FRRS1: variants seen among roughly 807,000 people sequenced by gnomAD.
FRRS1 encodes ferric reductase 1.
A neutral mutation model predicts 70.7 loss-of-function variants in FRRS1; 51 were observed. The observed-to-expected ratio is 0.72, with a 90% confidence interval of 0.58 to 0.91. FRRS1 has a LOEUF of 0.91. FRRS1 is among the 40% of genes least tolerant of loss of function. The pLI is 0.00. For synonymous variants in FRRS1, 225 were observed against 238.7 expected, an observed-to-expected ratio of 0.94 and a Z score of 0.53; for missense variants, 672 against 726.0, an observed-to-expected ratio of 0.93 and a Z score of 0.86.
chr1:99,710,915 T>A lies in FRRS1; in HGVS notation c.1515A>T (p.Gly505=), dbSNP rs765073759. The A allele has an allele frequency of 6.2e-7, 1 of 1,613,838 alleles. No individual in the cohort carries two copies. The highest frequency in any genetic ancestry group is 8.5e-7 in the Non-Finnish European group (1 of 1,179,790). The part of the protein sequence containing the change: ...AAMFLGMDLP[G]LNLPDSWKTY... ...TTTTCCATGAATCAGGAAGATTCAG[T>A]CCTGGTAAATCCATTCCCAGGAACA... is the stretch of plus-strand genomic sequence containing the variant. The change falls in exon 15 of 17, where the codon GGA becomes GGT. Residue 505 remains glycine (G), a synonymous_variant. Transcript: ENST00000646001.
At chr1:99,746,247 T>C (rs1656256889) in intron 4 of FRRS1, among the ~76,000 whole-genome samples, 2 of 152,202 alleles carry the variant, frequency 1.3e-5, no homozygotes, top group Admixed American at 6.5e-5. Flanking sequence ...CTTAAGGACA[T>C]GTAAGGCTCT....
At position 99,716,927 on chromosome 1, in the gene FRRS1, G is replaced by A. The variant is rs78707556; in HGVS notation, c.1236+483C>T. ...TTCAGTTTCTCTTTCCACCCATACA[G>A]GAGATAGATGATCCCAATTGATGAG... is the stretch of plus-strand genomic sequence containing the variant. On this transcript the variant is annotated intron_variant, in intron 11 of 16. Coordinates refer to ENST00000646001, the MANE Select transcript of FRRS1 (RefSeq NM_001361041.2). Among the ~76,000 whole-genome samples, 1,161 of 152,304 alleles carry A rather than the reference G, an allele frequency of 7.6e-3. 14 individuals carry two copies. The highest frequency in any genetic ancestry group is 0.026 in the African/African-American group (1,090 of 41,564).
At position 99,726,631 on chromosome 1, in the gene FRRS1, T is replaced by G. The variant is rs80118941; in HGVS notation, c.1006+1862A>C. ...CAATCATAACAACAACACAATGATCTGCACTTTAGTAGTAGCTGTTTAAAA... is the reference window on the plus strand; with the variant it reads ...CAATCATAACAACAACACAATGATCGGCACTTTAGTAGTAGCTGTTTAAAA... On this transcript the variant is annotated intron_variant, in intron 9 of 16. Coordinates refer to ENST00000646001, the MANE Select transcript of FRRS1 (RefSeq NM_001361041.2). Among the ~76,000 whole-genome samples the G allele has an allele frequency of 1.3e-4, 20 of 152,380 alleles. No individual in the cohort carries two copies. The East Asian group carries it at 3.7e-3, about 28-fold the overall frequency.
chr1:99,712,631 C>T, intron 12 of FRRS1, 116 bp from the exon 13 acceptor site: 2 of 562,806 alleles, frequency 3.6e-6, no homozygotes, highest in Non-Finnish European at 6.3e-6. Context: ...TTTAAAGATT[C>T]AATAATGATG....
At chr1:99,753,031 G>A (rs1460721328) in intron 1 of FRRS1, among the ~76,000 whole-genome samples, 1 of 146,506 alleles carries the variant, frequency 6.8e-6, no homozygotes, top group Non-Finnish European at 1.5e-5. Context: ...TGGGCAACAT[G>A]GTGAGCTCTC....
chr1:99,740,656 C>T lies in FRRS1; in HGVS notation c.576+137G>A. ...CTATAAAAATGTTACTAAAGCTGGG[C>T]ACAGTGGCTCACACCTGTAATTCCA... On this transcript the variant is annotated intron_variant, in intron 6 of 16. Coordinates refer to ENST00000646001, the MANE Select transcript of FRRS1 (RefSeq NM_001361041.2). 6.1e-6 allele frequency: 4 copies of T among 652,544 alleles called. No individual in the cohort carries two copies. The Admixed American group carries it at 7.3e-5, about 12-fold the overall frequency. 40.4% of individuals were successfully genotyped at this position (652,544 alleles called of 1,614,324 possible).
intron 1 of FRRS1, among the ~76,000 whole-genome samples, chr1:99,765,123 A>G (rs563703126): frequency 1.3e-5 from 2 of 152,316 alleles, no homozygotes; most frequent in South Asian, 4.1e-4. Flanking sequence ...GGTGTGAAAC[A>G]GAGAGTACAC....
At chr1:99,724,042 T>C (rs75471524) in intron 9 of FRRS1, among the ~76,000 whole-genome samples, 2 of 152,148 alleles carry the variant, frequency 1.3e-5, no homozygotes, top group Non-Finnish European at 2.9e-5. Context: ...GAGTGGTAGT[T>C]ATGAAAAAGA....
At chr1:99,712,361 T>C in intron 13 of FRRS1, 57 bp downstream of exon 13, 23 of 1,249,080 alleles carry the variant, frequency 1.8e-5, no homozygotes, top group Non-Finnish European at 2.4e-5. Flanking sequence ...ACAGATTAGT[T>C]TGCCAACTAA....
chr1:99,712,347 G>T, intron 13 of FRRS1, 71 bp downstream of exon 13: 1 of 1,185,762 alleles, frequency 8.4e-7, no homozygotes, highest in South Asian at 1.4e-5. Context: ...TTTTCCATTT[G>T]AAAACAGATT....
chr1:99,747,685 C>A (rs1450056712), intron 3 of FRRS1: 1 of 383,522 alleles, frequency 2.6e-6, no homozygotes, highest in Non-Finnish European at 4.7e-6. Flanking sequence ...GGTCCAGGGG[C>A]AGTCCATAAG....
chr1:99,735,907 T>C (rs767035185), intron 7 of FRRS1, among the ~76,000 whole-genome samples: 1 of 152,204 alleles, frequency 6.6e-6, no homozygotes, highest in Non-Finnish European at 1.5e-5. Context: ...TACTATAGCA[T>C]GAATCTTGGC....
intron 15 of FRRS1, among the ~76,000 whole-genome samples, chr1:99,709,761 A>G (rs1177920424): frequency 6.6e-6 from 1 of 152,106 alleles, no homozygotes; most frequent in African/African-American, 2.4e-5. Context: ...TGAGCCCAGG[A>G]GTTTGAGATC....
intron 14 of FRRS1, 32 bp downstream of exon 14, chr1:99,712,073 A>T: frequency 6.9e-7 from 1 of 1,453,784 alleles, no homozygotes. Flanking sequence ...GCTAGCAATT[A>T]TATATGAATA....
chr1:99,722,957 A>T (rs1654907024), intron 9 of FRRS1, among the ~76,000 whole-genome samples: 1 of 152,236 alleles, frequency 6.6e-6, no homozygotes, highest in African/African-American at 2.4e-5. Context: ...GAGGCTTAAA[A>T]TTTAAATAAA....
At chr1:99,735,161 G>T (rs1364026858) in intron 7 of FRRS1, among the ~76,000 whole-genome samples, 2 of 152,190 alleles carry the variant, frequency 1.3e-5, no homozygotes, top group East Asian at 3.9e-4. Context: ...ATAACAAAAC[G>T]ATATTGAAGG....
intron 9 of FRRS1, among the ~76,000 whole-genome samples, chr1:99,727,698 G>T (rs375523787): frequency 2.0e-5 from 3 of 152,168 alleles, no homozygotes; most frequent in South Asian, 2.1e-4. Flanking sequence ...TTTCAAAGTG[G>T]GCTATATTCT....
intron 7 of FRRS1, 73 bp from the exon 8 acceptor site, chr1:99,729,821 T>A (rs1655257292): frequency 1.0e-6 from 1 of 967,568 alleles, no homozygotes; most frequent in Non-Finnish European, 1.6e-6. Flanking sequence ...TTTAAAAAAG[T>A]ACATCAGGAA....
chr1:99,730,933 G>A (rs936734490), intron 7 of FRRS1, among the ~76,000 whole-genome samples: 6 of 151,564 alleles, frequency 4.0e-5, no homozygotes, highest in Non-Finnish European at 5.9e-5. Flanking sequence ...CTACTCAGAA[G>A]GCTAAGGCAG....
Sources: gnomAD v4.1 joint callset for allele counts (sites outside exome capture counted in the v4.1 genomes callset) on GRCh38, gnomAD v4.1.1 for gene constraint, MANE v1.5 for transcripts, NCBI Gene and HGNC (gene_info 2026-07-23, HGNC 2026-07-21) for gene names.